Variants in TBCK observed in about 807,000 individuals in gnomAD.
The protein encoded by TBCK is TBC1 domain containing kinase, also known as TBC domain-containing protein kinase-like protein.
TBCK carries 99 observed loss-of-function variants against 113.4 expected under a neutral mutation model. The observed-to-expected ratio is 0.87, with a 90% confidence interval of 0.74 to 1.03. TBCK has a LOEUF of 1.03. TBCK is among the 50% of genes least tolerant of loss of function. TBCK has a pLI of 0.00. For missense variants in TBCK, 1,045 were observed against 1,061.3 expected (o/e 0.98, Z 0.21); for synonymous variants, 369 against 370.8 (o/e 1.00, Z 0.05).
At chr4:106,168,987 A>C (rs1421559847) in intron 23 of TBCK, among the ~76,000 whole-genome samples, 1 of 152,072 alleles carries the variant, frequency 6.6e-6, no homozygotes, top group Non-Finnish European at 1.5e-5. Context: ...TCATTGGAGC[A>C]ATCTGGATTT....
intron 3 of TBCK, 152 bp downstream of exon 3, chr4:106,294,942 T>C: frequency 3.6e-6 from 2 of 555,770 alleles, no homozygotes. Flanking sequence ...TCATATGTAA[T>C]CTGTAAATTA....
intron 24 of TBCK, among the ~76,000 whole-genome samples, chr4:106,113,282 C>T (rs540932618): frequency 4.6e-4 from 70 of 152,164 alleles, no homozygotes; most frequent in Non-Finnish European, 9.4e-4. Context: ...AACATACTCA[C>T]TCTATCCTTA....
intron 20 of TBCK, 43 bp downstream of exon 20, chr4:106,212,703 GCTTT>G (rs1756295590): frequency 7.7e-7 from 1 of 1,306,684 alleles, no homozygotes. Context: ...AATAATTTCT[GCTTT>G]TTTTTTTTAA....
chr4:106,143,924 A>AC (rs1387678047), intron 23 of TBCK, among the ~76,000 whole-genome samples: 1 of 152,056 alleles, frequency 6.6e-6, no homozygotes, highest in African/African-American at 2.4e-5. Context: ...AAAAAAAAAA[A>AC]AAAAAAGTAA....
chr4:106,247,041 A>AAT, intron 10 of TBCK, 98 bp downstream of exon 10: 3 of 1,198,464 alleles, frequency 2.5e-6, no homozygotes, highest in Non-Finnish European at 2.3e-6. Flanking sequence ...TGATCCCACC[A>AAT]ATATATATTG....
chr4:106,065,097 T>C (rs1007796013), intron 25 of TBCK, among the ~76,000 whole-genome samples: 3 of 151,998 alleles, frequency 2.0e-5, no homozygotes, highest in African/African-American at 7.2e-5. Context: ...TTGATTAATG[T>C]CAAAATAAAA....
At position 106,045,115 on chromosome 4, in the gene TBCK, G is replaced by A. The variant is rs1734107358; in HGVS notation, c.*1455C>T. ...GCCCTGTTGCCCAGGCTGGGGTACA[G>A]TGGCCCTATCATGGCTCATTGCAAC... is the stretch of plus-strand genomic sequence containing the variant. On this transcript the variant is annotated 3_prime_UTR_variant, in exon 26 of 26. Coordinates refer to ENST00000394708, the MANE Select transcript of TBCK (RefSeq NM_001163435.3). 6.7e-6 allele frequency: 1 copy of A among 148,156 alleles called. No individual in the cohort carries two copies. Among genetic ancestry groups the A allele is most frequent in the Non-Finnish European group, 1.5e-5 (1 of 67,724 alleles). 9.2% of individuals were successfully genotyped at this position (148,156 alleles called of 1,614,324 possible).
At chr4:106,070,405 G>C (rs571890614) in intron 25 of TBCK, among the ~76,000 whole-genome samples, 40 of 152,210 alleles carry the variant, frequency 2.6e-4, no homozygotes, top group African/African-American at 8.9e-4. Flanking sequence ...TAATCATGTG[G>C]TTTTTGTCTT....
intron 25 of TBCK, among the ~76,000 whole-genome samples, chr4:106,078,511 T>A (rs982393860): frequency 6.6e-6 from 1 of 152,104 alleles, no homozygotes; most frequent in African/African-American, 2.4e-5. Flanking sequence ...AACACCTCTA[T>A]GCACACAATT....
chr4:106,157,285 G>C (rs1460935163), intron 23 of TBCK, among the ~76,000 whole-genome samples: 4 of 152,062 alleles, frequency 2.6e-5, no homozygotes, highest in Non-Finnish European at 1.5e-5. Context: ...CTTTTTTGGA[G>C]CCCCATGCTG....
At chr4:106,085,271 A>AAAAACAAAACAAAACAAAACAAAAC (rs140682905) in intron 25 of TBCK, among the ~76,000 whole-genome samples, 2 of 149,990 alleles carry the variant, frequency 1.3e-5, no homozygotes, top group Admixed American at 1.3e-4. Context: ...AAATGGAAAG[A>AAAAACAAAACAAAACAAAACAAAAC]AAAACAAAAC....
intron 19 of TBCK, among the ~76,000 whole-genome samples, chr4:106,218,850 C>T (rs1433767870): frequency 7.1e-6 from 1 of 140,516 alleles, no homozygotes; most frequent in Non-Finnish European, 1.6e-5. Flanking sequence ...TACCATTTGA[C>T]CCAGCCATCC....
At chr4:106,233,533 A>C in intron 16 of TBCK, 55 bp downstream of exon 16, 1 of 1,438,630 alleles carries the variant, frequency 7.0e-7, no homozygotes, top group Non-Finnish European at 9.7e-7. Context: ...TCCTTCCTAA[A>C]ATTTAAATAT....
At chr4:106,230,272 G>T in intron 19 of TBCK, 91 bp downstream of exon 19, 1 of 725,648 alleles carries the variant, frequency 1.4e-6, no homozygotes, top group Non-Finnish European at 2.1e-6. Context: ...GTATTTTTGG[G>T]GTCAAAATCT....
chr4:106,213,107 G>C (rs17333287), intron 19 of TBCK, among the ~76,000 whole-genome samples: 19,713 of 152,056 alleles, frequency 0.13, 1,614 homozygotes, highest in South Asian at 0.24. Flanking sequence ...ATGTTTTCCT[G>C]TTAAACTCTA....
intron 3 of TBCK, among the ~76,000 whole-genome samples, chr4:106,271,110 T>C (rs1185709421): frequency 1.3e-5 from 2 of 152,206 alleles, no homozygotes; most frequent in African/African-American, 4.8e-5. Flanking sequence ...ATAAATACTT[T>C]TCCCTAAACC....
intron 2 of TBCK, among the ~76,000 whole-genome samples, chr4:106,307,466 A>G (rs923972394): frequency 2.6e-5 from 4 of 152,178 alleles, no homozygotes; most frequent in African/African-American, 7.2e-5. Context: ...TAAAACACAA[A>G]TATTCTCAGA....
intron 3 of TBCK, among the ~76,000 whole-genome samples, chr4:106,281,317 T>G (rs186503914): frequency 2.0e-5 from 3 of 151,616 alleles, no homozygotes; most frequent in South Asian, 4.2e-4. Context: ...TTTTTTTTGG[T>G]GTAGTCTTTA....
chr4:106,091,193 T>C (rs1740184410), intron 25 of TBCK, among the ~76,000 whole-genome samples: 1 of 152,180 alleles, frequency 6.6e-6, no homozygotes, highest in South Asian at 2.1e-4. Context: ...CTCACAAAGC[T>C]TACAATCATG....
Sources: allele counts gnomAD v4.1 joint callset (sites outside exome capture counted in the v4.1 genomes callset), GRCh38; gene constraint gnomAD v4.1.1; transcripts MANE v1.5; gene names NCBI Gene and HGNC (gene_info 2026-07-23, HGNC 2026-07-21).